Variants in OTUD7B observed in about 807,000 individuals in gnomAD.
OTUD7B encodes OTU domain-containing protein 7B.
In OTUD7B, 34 loss-of-function variants were observed where a neutral mutation model predicts 82.2. The ratio of observed to expected loss-of-function variants is 0.41; its 90% CI spans 0.31 to 0.55. The LOEUF is 0.55. Ranked by LOEUF, OTUD7B falls within the 20% of genes least tolerant of loss-of-function variation. The probability of loss-of-function intolerance (pLI) is 0.20; values close to 1 mark genes in which losing one functional copy is unlikely to be tolerated. For synonymous variants in OTUD7B, 398 were observed against 402.7 expected (o/e 0.99, Z 0.14); for missense variants, 944 against 1,062.1 (o/e 0.89, Z 1.55).
At chr1:150,022,384 C>A in the OTUD7B span, among the ~76,000 whole-genome samples, 3 of 105,228 alleles carry the variant, frequency 2.9e-5, no homozygotes, top group Admixed American at 4.4e-4. Flanking sequence ...GGTGACAGAG[C>A]GAAACTCTCT....
At chr1:150,015,358 A>G (rs896768243), upstream of OTUD7B, among the ~76,000 whole-genome samples, 22 of 142,568 alleles carry the variant, frequency 1.5e-4, no homozygotes, top group Admixed American at 1.6e-3. Flanking sequence ...CAGTGGTGCA[A>G]TCTCGGCTCA....
intron 1 of OTUD7B, among the ~76,000 whole-genome samples, chr1:150,001,405 G>A (rs1453115600): frequency 6.6e-6 from 1 of 152,222 alleles, no homozygotes; most frequent in Non-Finnish European, 1.5e-5. Flanking sequence ...TTAGACTGAA[G>A]AGGAGCCTTC....
intron 2 of OTUD7B, among the ~76,000 whole-genome samples, chr1:149,972,525 C>T (rs1489083604): frequency 6.6e-5 from 10 of 152,202 alleles, no homozygotes; most frequent in African/African-American, 2.4e-4. Flanking sequence ...AAGGCCTACC[C>T]TGACTTAAAA....
Position 149,941,113 on chromosome 1 carries a change from T to A in OTUD7B, c.*2744A>T, listed in dbSNP as rs782773739. The A allele has an allele frequency of 2.6e-5, 4 of 152,244 alleles. No individual in the cohort carries two copies. Among genetic ancestry groups the A allele is most frequent in the Non-Finnish European group, 5.9e-5 (4 of 68,050 alleles). The allele number at this position is 152,244 out of a possible 1,614,324, so 9.4% of individuals were successfully genotyped here. ...ACCCCTCAAAATTTCCATCTTTTTT[T>A]ATTTGAAAATAAAGCAAACGGAATT... On this transcript the variant is annotated 3_prime_UTR_variant, in exon 12 of 12. Coordinates refer to ENST00000581312, the MANE Select transcript of OTUD7B (RefSeq NM_020205.4).
chr1:150,003,529 G>C (rs1484144790), intron 1 of OTUD7B, among the ~76,000 whole-genome samples: 1 of 152,082 alleles, frequency 6.6e-6, no homozygotes, highest in Non-Finnish European at 1.5e-5. Context: ...AGGCAGAACT[G>C]ACCCTTGGGC....
the OTUD7B span, among the ~76,000 whole-genome samples, chr1:150,057,401 A>T: frequency 2.6e-5 from 4 of 152,170 alleles, no homozygotes; most frequent in Admixed American, 2.6e-4. Flanking sequence ...AAAAAGTAAC[A>T]ATTTTCTTAA....
At chr1:150,061,323 C>T in the OTUD7B span, among the ~76,000 whole-genome samples, 3 of 151,976 alleles carry the variant, frequency 2.0e-5, no homozygotes, top group South Asian at 2.1e-4. Flanking sequence ...GTTTCTATAC[C>T]CCTACCATCT....
At chr1:150,013,568 C>T (rs1002237745), upstream of OTUD7B, among the ~76,000 whole-genome samples, 3 of 152,020 alleles carry the variant, frequency 2.0e-5, no homozygotes, top group African/African-American at 7.3e-5. Context: ...CTAGGAACCT[C>T]AGACTGACGC....
At chr1:149,983,051 T>G (rs993468636) in intron 1 of OTUD7B, among the ~76,000 whole-genome samples, 3 of 151,936 alleles carry the variant, frequency 2.0e-5, no homozygotes, top group African/African-American at 7.2e-5. Flanking sequence ...GAGAGGGGGT[T>G]TCACCGTGTT....
intron 4 of OTUD7B, among the ~76,000 whole-genome samples, chr1:149,966,751 A>G (rs1649540631): frequency 6.6e-6 from 1 of 152,216 alleles, no homozygotes; most frequent in Non-Finnish European, 1.5e-5. Flanking sequence ...TGGTTAATAT[A>G]GAAGGTTACA....
the OTUD7B span, chr1:150,067,599 G>T: frequency 2.1e-6 from 1 of 476,430 alleles, no homozygotes; most frequent in Non-Finnish European, 3.7e-6. Context: ...GGCATCTTCA[G>T]GCCGCAGGTG....
At chr1:149,955,254 T>C (rs1456898500) in intron 7 of OTUD7B, among the ~76,000 whole-genome samples, 3 of 152,204 alleles carry the variant, frequency 2.0e-5, no homozygotes, top group Non-Finnish European at 2.9e-5. Context: ...TTTGTTCTCA[T>C]TGGTTTCAAA....
chr1:149,989,239 G>A (rs924022961), intron 1 of OTUD7B, among the ~76,000 whole-genome samples: 6 of 151,976 alleles, frequency 3.9e-5, no homozygotes, highest in Non-Finnish European at 7.4e-5. Context: ...TTGGGAGGCC[G>A]AGGTGGGCAG....
the OTUD7B span, among the ~76,000 whole-genome samples, chr1:150,041,220 C>T: frequency 6.6e-6 from 1 of 151,844 alleles, no homozygotes; most frequent in African/African-American, 2.4e-5. Flanking sequence ...AAATTTCACC[C>T]GAATTTTAAA....
At chr1:149,989,484 A>AG (rs1393899922) in intron 1 of OTUD7B, among the ~76,000 whole-genome samples, 3 of 149,864 alleles carry the variant, frequency 2.0e-5, no homozygotes, top group African/African-American at 7.4e-5. Context: ...AAAAAAAAAA[A>AG]AGCCTCAGAA....
intron 7 of OTUD7B, among the ~76,000 whole-genome samples, chr1:149,953,553 A>C (rs1648433169): frequency 1.3e-5 from 2 of 151,904 alleles, no homozygotes; most frequent in South Asian, 4.2e-4. Flanking sequence ...TTCCATATGG[A>C]CTTTAAAGTA....
intron 1 of OTUD7B, among the ~76,000 whole-genome samples, chr1:149,994,949 T>C (rs1338701565): frequency 2.0e-5 from 3 of 152,204 alleles, no homozygotes; most frequent in Non-Finnish European, 1.5e-5. Flanking sequence ...AATGTTAAGA[T>C]TACAGTCTCA....
At chr1:150,034,359 T>A in the OTUD7B span, among the ~76,000 whole-genome samples, 2 of 152,176 alleles carry the variant, frequency 1.3e-5, no homozygotes, top group Non-Finnish European at 2.9e-5. Context: ...CCTATTAGGG[T>A]CATAACCAGC....
At chr1:150,063,900 T>A in the OTUD7B span, among the ~76,000 whole-genome samples, 1 of 152,234 alleles carries the variant, frequency 6.6e-6, no homozygotes, top group Non-Finnish European at 1.5e-5. Flanking sequence ...TCCTAAGTTT[T>A]TTCTTCATAA....
Sources: gnomAD v4.1 joint callset for allele counts (sites outside exome capture counted in the v4.1 genomes callset) on GRCh38, gnomAD v4.1.1 for gene constraint, MANE v1.5 for transcripts, NCBI Gene and HGNC (gene_info 2026-07-23, HGNC 2026-07-21) for gene names.